TBX22: variants seen among roughly 807,000 people sequenced by gnomAD.
TBX22 encodes the protein T-box transcription factor TBX22.
A neutral mutation model predicts 30.1 loss-of-function variants in TBX22; 8 were observed. The ratio of observed to expected loss-of-function variants is 0.27; its 90% CI spans 0.16 to 0.48. The LOEUF is 0.48. Among genes scored for constraint, TBX22 ranks in the 20% least tolerant of loss-of-function variants. TBX22 has a pLI of 0.99. For synonymous variants in TBX22, 173 were observed against 149.1 expected (o/e 1.16, Z -1.17); for missense variants, 463 against 400.5 (o/e 1.16, Z -1.33).
chrX:80,024,278 T>A, intron 4 of TBX22, 114 bp downstream of exon 4: 1 of 580,414 alleles, frequency 1.7e-6, no homozygotes, highest in South Asian at 2.4e-5. Flanking sequence ...GGGGTGGGAG[T>A]GGGGGATTGC....
chrX:80,025,514 C>T, intron 4 of TBX22, 89 bp from the exon 5 acceptor site: 1 of 761,051 alleles, frequency 1.3e-6, no homozygotes, highest in Non-Finnish European at 2.0e-6. Context: ...GATCACTGGG[C>T]TAATCTGGAG....
chrX:80,030,855 C>T lies in TBX22; in HGVS notation c.1307C>T (p.Ala436Val), dbSNP rs767870694. The T allele has an allele frequency of 4.1e-6, 5 of 1,211,929 alleles. No homozygotes were observed. Among genetic ancestry groups the T allele is most frequent in the Non-Finnish European group, 5.6e-6 (5 of 895,419 alleles). The change falls in exon 9 of 9, where the codon GCA (alanine) becomes GTA (valine). Residue 436 changes from alanine (A) to valine (V), a missense_variant. Ala to Val is a moderately conservative substitution (Grantham distance 64). Transcript: ENST00000373296. ...GACTCCAGTGATCAGTATCTACAAGCACCTAATTCTACCAATCAAATGTTA... is the reference window on the plus strand; with the variant it reads ...GACTCCAGTGATCAGTATCTACAAGTACCTAATTCTACCAATCAAATGTTA... ...SEDSSDQYLQAPNSTNQMLYG... is the reference protein window; with the variant it reads ...SEDSSDQYLQVPNSTNQMLYG...
intron 8 of TBX22, 28 bp from the exon 9 acceptor site, chrX:80,030,470 T>TA: frequency 1.7e-6 from 2 of 1,209,601 alleles, no homozygotes; most frequent in African/African-American, 3.5e-5. Context: ...TCAAGTTCAT[T>TA]ATTCATTGGC....
intron 2 of TBX22, 109 bp from the exon 3 acceptor site, chrX:80,022,951 C>G (rs902836994): frequency 3.2e-5 from 26 of 806,572 alleles, no homozygotes; most frequent in Non-Finnish European, 4.5e-5. Flanking sequence ...CGCCAAAGTT[C>G]CTGGGGAAGG....
At chrX:80,015,096 A>G (rs1376377797) in intron 1 of TBX22, among the ~76,000 whole-genome samples, 1 of 111,328 alleles carries the variant, frequency 9.0e-6, no homozygotes, top group Admixed American at 9.5e-5. Context: ...GGGGACTGGA[A>G]GTAGAATATT....
At chrX:80,030,448 G>A (rs1407226874) in intron 8 of TBX22, 50 bp from the exon 9 acceptor site, 1 of 1,195,705 alleles carries the variant, frequency 8.4e-7, no homozygotes, top group Middle Eastern at 2.4e-4. Context: ...AATATTGCAG[G>A]AACATCAAAT....
intron 8 of TBX22, among the ~76,000 whole-genome samples, chrX:80,029,804 T>C (rs1924159662): frequency 8.9e-6 from 1 of 112,694 alleles, no homozygotes; most frequent in African/African-American, 3.2e-5. Flanking sequence ...AGTTTGTGTT[T>C]GTAAGATATA....
intron 1 of TBX22, among the ~76,000 whole-genome samples, chrX:80,015,773 T>C (rs190381361): frequency 5.4e-4 from 60 of 112,136 alleles, no homozygotes; most frequent in Middle Eastern, 4.6e-3. Flanking sequence ...TCAGCAGACT[T>C]ATCTCCATGA....
chrX:80,028,099 T>C, intron 8 of TBX22, 23 bp downstream of exon 8: 1 of 1,160,563 alleles, frequency 8.6e-7, no homozygotes, highest in African/African-American at 1.8e-5. Flanking sequence ...GGAACGTTTG[T>C]TTTATTTTTA....
At chrX:80,022,574 G>T (rs945189214) in intron 2 of TBX22, 130 bp downstream of exon 2, 22 of 674,603 alleles carry the variant, frequency 3.3e-5, no homozygotes, top group Middle Eastern at 4.5e-4. Context: ...ACCTGGTGAA[G>T]GGGAAGTTTC....
intron 4 of TBX22, among the ~76,000 whole-genome samples, chrX:80,024,755 C>A (rs1159641438): frequency 8.9e-6 from 1 of 111,749 alleles, no homozygotes; most frequent in Non-Finnish European, 1.9e-5. Flanking sequence ...TATTTAAGCC[C>A]TCAACCTACA....
At chrX:80,024,548 T>C (rs956339630) in intron 4 of TBX22, among the ~76,000 whole-genome samples, 1 of 110,955 alleles carries the variant, frequency 9.0e-6, no homozygotes, top group African/African-American at 3.3e-5. Flanking sequence ...CCCCAGGCTC[T>C]ATGGGAGCCT....
In TBX22 at chrX:80,030,877, G is replaced by A. The variant is rs774880507; in HGVS notation, c.1329G>A (p.Met443Ile). The change falls in exon 9 of 9, where the codon ATG becomes ATA. Residue 443 changes from methionine (M) to isoleucine (I), a missense_variant. Physicochemically the swap from Met to Ile is conservative, Grantham distance 10. Coordinates refer to ENST00000373296, the MANE Select transcript of TBX22 (RefSeq NM_001109878.2). ...YLQAPNSTNQ[M>I]LYGLQSPGNI... ...AAGCACCTAATTCTACCAATCAAAT[G>A]TTATATGGATTACAGTCACCTGGAA... The A allele has an allele frequency of 7.4e-6, 9 of 1,211,704 alleles. No individual in the cohort carries two copies. The highest frequency in any genetic ancestry group is 8.9e-6 in the Non-Finnish European group (8 of 895,397).
At position 80,027,275 on chromosome X, in the gene TBX22, A is replaced by C; in HGVS notation, c.818A>C (p.Glu273Ala). 1 of 1,108,153 alleles carries C rather than the reference A, an allele frequency of 9.0e-7. No homozygotes were observed. Among genetic ancestry groups the C allele is most frequent in the Non-Finnish European group, 1.2e-6 (1 of 801,559 alleles). 91.3% of individuals were successfully genotyped at this position (1,108,153 alleles called of 1,213,427 possible). A position where few individuals can be genotyped will look rare whatever the true frequency, so the allele number is the denominator to read the frequency against. The change falls in exon 7 of 9, where the codon GAA (glutamate) becomes GCA (alanine). Residue 273 changes from glutamate to alanine, a missense_variant. Glu to Ala is a moderately radical substitution (Grantham distance 107, BLOSUM62 -1). Coordinates refer to ENST00000373296, the MANE Select transcript of TBX22 (RefSeq NM_001109878.2). Reference sequence around the variant, plus strand: ...CCATAGATTACGAAACTAAAAATAGAAAGAAATCCTTTTGCTAAAGGATTT... The same window carrying C: ...CCATAGATTACGAAACTAAAAATAGCAAGAAATCCTTTTGCTAAAGGATTT... ...QNQQITKLKI[E>A]RNPFAKGFRD... is the part of the protein sequence containing the mutation.
At chrX:80,016,500 A>ATT (rs56930639) in intron 1 of TBX22, among the ~76,000 whole-genome samples, 2 of 110,984 alleles carry the variant, frequency 1.8e-5, no homozygotes, top group African/African-American at 3.3e-5. Flanking sequence ...CATAAACAGT[A>ATT]TTTTTTTTCA....
At chrX:80,026,507 G>A (rs906559554) in intron 5 of TBX22, among the ~76,000 whole-genome samples, 197 bp from the exon 6 acceptor site, 3 of 112,116 alleles carry the variant, frequency 2.7e-5, no homozygotes, top group Non-Finnish European at 3.8e-5. Flanking sequence ...CTGCTGACTG[G>A]TGCCGCTGAG....
At chrX:80,028,776 G>A (rs373235137) in intron 8 of TBX22, among the ~76,000 whole-genome samples, 1 of 110,285 alleles carries the variant, frequency 9.1e-6, no homozygotes, top group South Asian at 3.8e-4. Context: ...TTACTCCATC[G>A]AAGTTGCTTG....
intron 1 of TBX22, among the ~76,000 whole-genome samples, chrX:80,021,677 C>G (rs1463494794): frequency 8.9e-6 from 1 of 112,252 alleles, no homozygotes; most frequent in Admixed American, 9.4e-5. Flanking sequence ...TCCAAAACCC[C>G]CCTCCCTGTT....
chrX:80,023,404 G>A, intron 3 of TBX22, 164 bp downstream of exon 3: 1 of 508,583 alleles, frequency 2.0e-6, no homozygotes, highest in Non-Finnish European at 3.3e-6. Context: ...CAATTGATAG[G>A]GCTCGGACTT....
Sources: gnomAD v4.1 joint callset for allele counts (sites outside exome capture counted in the v4.1 genomes callset) on GRCh38, gnomAD v4.1.1 for gene constraint, MANE v1.5 for transcripts, NCBI Gene and HGNC (gene_info 2026-07-23, HGNC 2026-07-21) for gene names.